Variants in ZFHX3 observed in about 807,000 individuals in gnomAD.
ZFHX3 encodes zinc finger homeobox 3, also known as zinc finger homeobox protein 3.
ZFHX3 carries 42 observed loss-of-function variants against 279.1 expected under a neutral mutation model. The observed-to-expected ratio is 0.15, with a 90% CI of 0.12 to 0.19. The LOEUF is 0.19. ZFHX3 is among the 10% of genes least tolerant of loss of function. ZFHX3 has a pLI of 1.00. For synonymous variants in ZFHX3, 2,293 were observed against 1,957.8 expected (o/e 1.17, Z -4.52); for missense variants, 4,981 against 4,754.0 (o/e 1.05, Z -1.40).
intron 3 of ZFHX3, among the ~76,000 whole-genome samples, chr16:73,409,836 T>C (rs2017431450): frequency 6.6e-6 from 1 of 152,184 alleles, no homozygotes; most frequent in Non-Finnish European, 1.5e-5. Context: ...AAGGACATTA[T>C]GTCAAGTGAA....
chr16:73,105,878 T>A (rs1453436718), intron 7 of ZFHX3, among the ~76,000 whole-genome samples: 1 of 152,052 alleles, frequency 6.6e-6, no homozygotes, highest in South Asian at 2.1e-4. Flanking sequence ...TTCCTTTAGA[T>A]CCAGCTTTTC....
chr16:73,475,633 A>T (rs899138935), intron 2 of ZFHX3, among the ~76,000 whole-genome samples: 3 of 152,114 alleles, frequency 2.0e-5, no homozygotes, highest in African/African-American at 7.2e-5. Context: ...AATAAATTTG[A>T]AACTGTTAAC....
At chr16:72,838,935 CCAGTTTGTAAAATA>C (rs1555522477) in intron 4 of ZFHX3, among the ~76,000 whole-genome samples, 1 of 151,498 alleles carries the variant, frequency 6.6e-6, no homozygotes, top group Non-Finnish European at 1.5e-5. Context: ...GGTGTGAGTT[CCAGTTTGTAAAATA>C]CAAACCCAAC....
chr16:73,203,276 G>A (rs1008225245), intron 5 of ZFHX3, among the ~76,000 whole-genome samples: 1 of 152,158 alleles, frequency 6.6e-6, no homozygotes, highest in Admixed American at 6.5e-5. Flanking sequence ...AGAGATAAAT[G>A]GCTGGAAGGA....
rs886612442 is a variant in ZFHX3 at position 73,093,228 on chromosome 16, G to C, written c.-533+7C>G. ...CATGCAGAGGTAAGGGAATGATCCG[G>C]TCCTACCTGGCGTTGACTTCCAGGT... On this transcript the variant is annotated splice_region_variant and intron_variant, in intron 8 of 17. Coordinates refer to the ZFHX3 transcript ENST00000641206. 9.7e-6 allele frequency: 5 copies of C among 517,478 alleles called. No individual in the cohort carries two copies. In the African/African-American group the frequency reaches 9.7e-5, roughly 10 times the overall value. The allele number at this position is 517,478 out of a possible 1,614,324, so 32.1% of individuals were successfully genotyped here. A position where few individuals can be genotyped will look rare whatever the true frequency, so the allele number is the denominator to read the frequency against.
intron 1 of ZFHX3, among the ~76,000 whole-genome samples, chr16:73,681,704 A>G (rs1262462099): frequency 2.0e-5 from 3 of 152,222 alleles, no homozygotes; most frequent in Admixed American, 2.0e-4. Context: ...CGGACTTAAT[A>G]TCCTGTGCTT....
chr16:73,268,219 C>T (rs1201937971), intron 4 of ZFHX3, among the ~76,000 whole-genome samples: 1 of 152,098 alleles, frequency 6.6e-6, no homozygotes, highest in Non-Finnish European at 1.5e-5. Context: ...TAAACTTGGC[C>T]TCAATTGGTT....
chr16:73,702,210 A>G (rs2053255271), intron 1 of ZFHX3, among the ~76,000 whole-genome samples: 1 of 152,154 alleles, frequency 6.6e-6, no homozygotes, highest in South Asian at 2.1e-4. Context: ...TTGGGTGGCA[A>G]AAGACTGCCA....
intron 2 of ZFHX3, chr16:73,487,530 A>G: frequency 5.6e-6 from 2 of 357,166 alleles, no homozygotes; most frequent in East Asian, 8.4e-5. Context: ...CCTTCTGAGT[A>G]GCTGGGACCA....
intron 2 of ZFHX3, among the ~76,000 whole-genome samples, chr16:73,661,308 A>G (rs2052781976): frequency 6.6e-6 from 1 of 152,260 alleles, no homozygotes. Flanking sequence ...AAACAGAAAG[A>G]AAATACAGTA....
chr16:73,846,810 G>A (rs1186785313), intron 1 of ZFHX3, among the ~76,000 whole-genome samples: 1 of 152,072 alleles, frequency 6.6e-6, no homozygotes, highest in Non-Finnish European at 1.5e-5. Flanking sequence ...ACAGACAAAT[G>A]TAGCCATGAA....
intron 1 of ZFHX3, among the ~76,000 whole-genome samples, chr16:72,996,427 C>T (rs1257360299): frequency 6.6e-6 from 1 of 152,146 alleles, no homozygotes; most frequent in African/African-American, 2.4e-5. Flanking sequence ...CTTCTGTAAA[C>T]CAGTGTGCCC....
At chr16:73,187,144 T>TCACACACACACA (rs71156147) in intron 5 of ZFHX3, among the ~76,000 whole-genome samples, 1,767 of 147,058 alleles carry the variant, frequency 0.012, 16 homozygotes, top group Middle Eastern at 0.031. Context: ...GTTGTATGTC[T>TCACACACACACA]CACACACACA....
chr16:73,183,439 C>T (rs2144880922), intron 5 of ZFHX3, among the ~76,000 whole-genome samples: 1 of 152,316 alleles, frequency 6.6e-6, no homozygotes, highest in South Asian at 2.1e-4. Context: ...CTGGCTTGCT[C>T]TCTGGTCCTT....
chr16:73,248,000 T>C (rs1252301476), intron 5 of ZFHX3, among the ~76,000 whole-genome samples: 1 of 151,674 alleles, frequency 6.6e-6, no homozygotes, highest in African/African-American at 2.4e-5. Context: ...AGTGTATGAG[T>C]GTGTGTATAC....
At chr16:73,440,394 G>T (rs1260232596) in intron 3 of ZFHX3, among the ~76,000 whole-genome samples, 1 of 152,134 alleles carries the variant, frequency 6.6e-6, no homozygotes, top group Non-Finnish European at 1.5e-5. Context: ...CACCAATTTG[G>T]GAGACAGAAA....
chr16:73,261,303 T>C (rs1350525950), intron 4 of ZFHX3, among the ~76,000 whole-genome samples: 5 of 152,208 alleles, frequency 3.3e-5, no homozygotes, highest in Non-Finnish European at 7.3e-5. Context: ...ATATATACAG[T>C]TACAGGTATA....
chr16:72,811,033 C>T (rs955957550), intron 7 of ZFHX3, among the ~76,000 whole-genome samples: 9 of 152,082 alleles, frequency 5.9e-5, no homozygotes, highest in African/African-American at 2.2e-4. Flanking sequence ...GGTGCATGCA[C>T]CACTGTGCCT....
intron 1 of ZFHX3, among the ~76,000 whole-genome samples, chr16:73,690,136 C>T (rs1232490166): frequency 2.6e-5 from 4 of 152,142 alleles, no homozygotes; most frequent in Admixed American, 2.0e-4. Context: ...AGACTGATCT[C>T]GAACTCCTGA....
Sources: gnomAD v4.1 joint callset for allele counts (sites outside exome capture counted in the v4.1 genomes callset) on GRCh38, gnomAD v4.1.1 for gene constraint, MANE v1.5 for transcripts, NCBI Gene and HGNC (gene_info 2026-07-23, HGNC 2026-07-21) for gene names.